Variants in ITGA11 observed in about 807,000 individuals in gnomAD.
The protein encoded by ITGA11 is integrin subunit alpha 11.
In ITGA11, 97 loss-of-function variants were observed where a neutral mutation model predicts 141.9. The ratio of observed to expected loss-of-function variants is 0.68; its 90% confidence interval spans 0.58 to 0.81. The LOEUF is 0.81. Among genes scored for constraint, ITGA11 ranks in the 30% least tolerant of loss-of-function variants. ITGA11 has a pLI of 0.00. For synonymous variants in ITGA11, 658 were observed against 624.6 expected (o/e 1.05, Z -0.80); for missense variants, 1,387 against 1,559.2 (o/e 0.89, Z 1.86).
At chr15:68,310,906 A>G (rs954846466) in intron 26 of ITGA11, 88 bp downstream of exon 26, 14 of 975,006 alleles carry the variant, frequency 1.4e-5, no homozygotes, top group East Asian at 2.6e-5. Context: ...TTGGCAAGCT[A>G]TTGGGTCGGG....
chr15:68,303,125 G>A lies in ITGA11; in HGVS notation c.3501C>T (p.Gly1167=). ...TCCTGCGCCTGGCACTTCTAAAGAA[G>A]CCGAGCTGTGAGGAGGCAAAGGGAG... ...ALLVLALWKL[G]FFRSARRRRE... Residue 1167 remains glycine (G), a synonymous_variant, in exon 30 of 30, where the codon GGC becomes GGT. Coordinates refer to ENST00000315757, the MANE Select transcript of ITGA11 (RefSeq NM_001004439.2). This position sits in a 1 kb window ranked among gnomAD's most constrained non-coding sequence, Gnocchi z 5.3. The A allele has an allele frequency of 6.4e-7, 1 of 1,551,416 alleles. No homozygotes were observed. Among genetic ancestry groups the A allele is most frequent in the Non-Finnish European group, 8.7e-7 (1 of 1,147,094 alleles).
chr15:68,311,998 A>G (rs138979554), intron 24 of ITGA11, among the ~76,000 whole-genome samples: 2 of 152,248 alleles, frequency 1.3e-5, no homozygotes, highest in African/African-American at 4.8e-5. Flanking sequence ...TGAACAAGCC[A>G]TGCAGGGCTC....
chr15:68,407,420 C>G (rs1896674313), intron 1 of ITGA11, among the ~76,000 whole-genome samples: 1 of 152,198 alleles, frequency 6.6e-6, no homozygotes, highest in African/African-American at 2.4e-5. Flanking sequence ...TCAGTCAAGT[C>G]CATCTCTCTG....
intron 2 of ITGA11, among the ~76,000 whole-genome samples, chr15:68,382,118 A>G (rs1895877955): frequency 6.6e-6 from 1 of 152,372 alleles, no homozygotes; most frequent in Admixed American, 6.5e-5. Context: ...GTGTTGTGAC[A>G]AATAGTCATT....
Position 68,393,947 on chromosome 15 carries a change from C to T in ITGA11, c.164+8971G>A, listed in dbSNP as rs928047038. ...GGACAGGGGACTGGAATCAAACTGT[C>T]GTAAAGTTATTGTGTTACTTAGAAA... On this transcript the variant is annotated intron_variant, in intron 2 of 29. Transcript: ENST00000315757. Among the ~76,000 whole-genome samples, 15 of 152,126 alleles carry T rather than the reference C, an allele frequency of 9.9e-5. No homozygotes were observed. The East Asian group carries it at 1.3e-3, about 14-fold the overall frequency.
At chr15:68,415,138 C>T (rs560289901) in intron 1 of ITGA11, among the ~76,000 whole-genome samples, 18 of 152,298 alleles carry the variant, frequency 1.2e-4, no homozygotes, top group African/African-American at 3.9e-4. Flanking sequence ...TTGGCCTTAT[C>T]CCCCTGCCTT....
Position 68,432,114 on chromosome 15 carries a change from C to T in ITGA11, c.-48G>A. The T allele has an allele frequency of 7.5e-7, 1 of 1,332,140 alleles. No individual in the cohort carries two copies. The allele number at this position is 1,332,140 out of a possible 1,614,324, so 82.5% of individuals were successfully genotyped here. A position where few individuals can be genotyped will look rare whatever the true frequency, so the allele number is the denominator to read the frequency against. ...TCCGGTGTGCAGCGGCGGCGGGGGG[C>T]GGCAAGCCAGAGCGGCAGCCTCCTC... On this transcript the variant is annotated 5_prime_UTR_variant, in exon 1 of 30. Transcript: ENST00000315757.
intron 21 of ITGA11, among the ~76,000 whole-genome samples, chr15:68,317,022 G>A (rs1893601990): frequency 6.6e-6 from 1 of 152,248 alleles, no homozygotes; most frequent in South Asian, 2.1e-4. Context: ...TGGCAGACTA[G>A]TGGCTGGGAG....
intron 2 of ITGA11, among the ~76,000 whole-genome samples, chr15:68,378,027 A>G (rs1208683064): frequency 6.6e-6 from 1 of 152,240 alleles, no homozygotes; most frequent in African/African-American, 2.4e-5. Context: ...TTCTGATGGT[A>G]GTAGCCAAGG....
Position 68,348,876 on chromosome 15 carries a change from A to C in ITGA11, c.1085T>G (p.Phe362Cys). The change falls in exon 10 of 30, where the codon TTT (phenylalanine) becomes TGT (cysteine). Residue 362 changes from phenylalanine to cysteine, a missense_variant. Phe to Cys is a radical substitution (Grantham distance 205). Coordinates refer to ENST00000315757, the MANE Select transcript of ITGA11 (RefSeq NM_001004439.2). ...GCCCGTCTGTGACATCTCCAGCCCA[A>C]AGGAGGTCTCGTTCTTGTTGGTGCC... is the stretch of plus-strand genomic sequence containing the variant. Reference protein sequence around the residue: ...LEGTNKNETSFGLEMSQTGFS... With the variant: ...LEGTNKNETSCGLEMSQTGFS... The C allele has an allele frequency of 6.2e-7, 1 of 1,609,146 alleles. No homozygotes were observed. The highest frequency in any genetic ancestry group is 8.5e-7 in the Non-Finnish European group (1 of 1,177,798).
rs913148574 is a variant in ITGA11 at position 68,324,439 on chromosome 15, G to A, written c.2322+692C>T. On this transcript the variant is annotated intron_variant, in intron 18 of 29. Transcript: ENST00000315757. This position sits in a 1 kb window ranked among gnomAD's most constrained non-coding sequence, Gnocchi z 6.3. ...AAAAGTTGTTTCCCAAATCCTCAAG[G>A]TTCAGGCATTAGCTATTCCATTTTA... Among the ~76,000 whole-genome samples the A allele has an allele frequency of 1.3e-5, 2 of 152,156 alleles. No individual in the cohort carries two copies. Among genetic ancestry groups the A allele is most frequent in the South Asian group, 2.1e-4 (1 of 4,824 alleles).
intron 2 of ITGA11, among the ~76,000 whole-genome samples, chr15:68,394,340 A>T (rs1395137989): frequency 6.6e-6 from 1 of 152,192 alleles, no homozygotes; most frequent in Non-Finnish European, 1.5e-5. Flanking sequence ...TTTGGAAATT[A>T]AAAAACACAT....
intron 2 of ITGA11, among the ~76,000 whole-genome samples, chr15:68,372,687 G>T (rs1209749972): frequency 6.6e-6 from 1 of 152,180 alleles, no homozygotes; most frequent in African/African-American, 2.4e-5. Context: ...GCCGGACATG[G>T]CACTCTGGAA....
chr15:68,350,658 T>G lies in ITGA11; in HGVS notation c.1019A>C (p.Asp340Ala). The change falls in exon 9 of 30, where the codon GAC becomes GCC. Residue 340 changes from aspartate (D) to alanine (A), a missense_variant. Transcript: ENST00000315757. ...TCTGTCCCCCAGGGCATCGACAATG[T>G]CCTTCAAGGCAGCCTCATCAGTGAC... ...FNVTDEAALK[D>A]IVDALGDRIF... 1 of 1,613,918 alleles carries G rather than the reference T, an allele frequency of 6.2e-7. No individual in the cohort carries two copies.
intron 5 of ITGA11, among the ~76,000 whole-genome samples, chr15:68,358,868 G>A (rs1895154603): frequency 6.6e-6 from 1 of 152,236 alleles, no homozygotes; most frequent in South Asian, 2.1e-4. Context: ...ATCGGCCAAC[G>A]CTTCCGAGGC....
At chr15:68,390,002 C>T (rs1896077429) in intron 2 of ITGA11, among the ~76,000 whole-genome samples, 1 of 152,204 alleles carries the variant, frequency 6.6e-6, no homozygotes, top group Non-Finnish European at 1.5e-5. Flanking sequence ...ATGCGATAGT[C>T]ATGTGGATTA....
chr15:68,410,123 G>A (rs949129785), intron 1 of ITGA11, among the ~76,000 whole-genome samples: 12 of 152,216 alleles, frequency 7.9e-5, no homozygotes, highest in African/African-American at 2.9e-4. Context: ...CCAGAAGGAT[G>A]GGGCCAGAGT....
chr15:68,310,940 GGCGGCAC>G, intron 26 of ITGA11, 47 bp downstream of exon 26: 1 of 1,383,358 alleles, frequency 7.2e-7, no homozygotes, highest in Non-Finnish European at 1.0e-6. Context: ...GCAGAGCACC[GGCGGCAC>G]GCCTCTAACC....
In ITGA11 at chr15:68,317,354, C is replaced by G; in HGVS notation, c.2626G>C (p.Asp876His). Residue 876 changes from aspartate (D) to histidine (H), a missense_variant, in exon 21 of 30, where the codon GAC (aspartate) becomes CAC (histidine). Coordinates refer to ENST00000315757, the MANE Select transcript of ITGA11 (RefSeq NM_001004439.2). ...FASLIQKEDSDGSIECVNEER... is the reference protein window; with the variant it reads ...FASLIQKEDSHGSIECVNEER... ...TCGTTCACACACTCAATGCTACCGT[C>G]TGAGTCCTCCTGGAGGTGGGTGGCA... 6.2e-7 allele frequency: 1 copy of G among 1,611,938 alleles called. No individual in the cohort carries two copies. The highest frequency in any genetic ancestry group is 8.5e-7 in the Non-Finnish European group (1 of 1,178,008).
Sources: gnomAD v4.1 joint callset for allele counts (sites outside exome capture counted in the v4.1 genomes callset) on GRCh38, gnomAD v4.1.1 for gene constraint, Gnocchi (gnomAD v3.1) non-coding constraint, MANE v1.5 for transcripts, NCBI Gene and HGNC (gene_info 2026-07-23, HGNC 2026-07-21) for gene names.